Variants in LARGE1 observed in about 807,000 individuals in gnomAD.
The protein encoded by LARGE1 is xylosyl- and glucuronyltransferase LARGE1.
In LARGE1, 43 loss-of-function variants were observed where a neutral mutation model predicts 87.6. The observed-to-expected ratio is 0.49, with a 90% confidence interval of 0.38 to 0.63. The LOEUF is 0.63. Among genes scored for constraint, LARGE1 ranks in the 30% least tolerant of loss-of-function variants. LARGE1 has a pLI of 0.00. For synonymous variants in LARGE1, 434 were observed against 394.6 expected (o/e 1.10, Z -1.18); for missense variants, 802 against 1,000.2 (o/e 0.80, Z 2.67).
At chr22:33,311,206 T>A (rs1398394895) in intron 11 of LARGE1, among the ~76,000 whole-genome samples, 1 of 152,162 alleles carries the variant, frequency 6.6e-6, no homozygotes, top group African/African-American at 2.4e-5. Flanking sequence ...GTGATCTGCC[T>A]GCCTCAGCCT....
intron 10 of LARGE1, among the ~76,000 whole-genome samples, chr22:33,318,464 T>G (rs1402324614): frequency 6.6e-6 from 1 of 152,152 alleles, no homozygotes; most frequent in Non-Finnish European, 1.5e-5. Flanking sequence ...GGCTGCATAG[T>G]ATTCCATGGT....
chr22:33,428,503 T>C lies in LARGE1; in HGVS notation c.892+3658A>G, dbSNP rs564516126. Among the ~76,000 whole-genome samples, 33 of 151,152 alleles carry C rather than the reference T, an allele frequency of 2.2e-4. No homozygotes were observed. The South Asian group carries it at 6.9e-3, about 32-fold the overall frequency. On this transcript the variant is annotated intron_variant, in intron 7 of 14. Coordinates refer to ENST00000397394, the MANE Select transcript of LARGE1 (RefSeq NM_133642.5). ...TAATTTTTTGTATTTTTAGTAGAGA[T>C]GGGGTTTCACCATCTTGGCCAGGCT...
chr22:33,728,576 A>AAAACC (rs1556015678), intron 2 of LARGE1, among the ~76,000 whole-genome samples: 3 of 103,732 alleles, frequency 2.9e-5, no homozygotes, highest in Non-Finnish European at 6.2e-5. Flanking sequence ...AAAAAAAAAA[A>AAAACC]AAACCAACAA....
intron 3 of LARGE1, among the ~76,000 whole-genome samples, chr22:33,643,137 A>G (rs1449497584): frequency 1.3e-5 from 2 of 152,158 alleles, no homozygotes. Flanking sequence ...AATCGACCAC[A>G]TAATTGGAAA....
chr22:33,303,955 A>T (rs1351775341), intron 12 of LARGE1, among the ~76,000 whole-genome samples: 1 of 152,230 alleles, frequency 6.6e-6, no homozygotes, highest in East Asian at 1.9e-4. Context: ...GATGCTACAG[A>T]AAAAGCAATA....
chr22:33,531,940 C>T (rs1569243877), intron 6 of LARGE1, among the ~76,000 whole-genome samples: 1 of 152,236 alleles, frequency 6.6e-6, no homozygotes, highest in Non-Finnish European at 1.5e-5. Flanking sequence ...CACTGCATGC[C>T]TGCAAGGTGG....
chr22:33,113,583 G>T, the LARGE1 span, among the ~76,000 whole-genome samples: 3 of 152,168 alleles, frequency 2.0e-5, no homozygotes, highest in African/African-American at 7.2e-5. Context: ...AAGACCAAGA[G>T]AGCTTAAGTG....
At chr22:33,727,037 A>C (rs188240586) in intron 2 of LARGE1, among the ~76,000 whole-genome samples, 1 of 152,312 alleles carries the variant, frequency 6.6e-6, no homozygotes, top group East Asian at 1.9e-4. Context: ...TCAGTCTGTC[A>C]TGGCTAGCAC....
chr22:33,496,395 G>A (rs1192360449), intron 6 of LARGE1, among the ~76,000 whole-genome samples: 1 of 151,934 alleles, frequency 6.6e-6, no homozygotes, highest in African/African-American at 2.4e-5. Flanking sequence ...ATATCATGAG[G>A]GCGAAGTCCT....
chr22:33,437,565 A>C (rs5754550), intron 6 of LARGE1, among the ~76,000 whole-genome samples: 1 of 152,286 alleles, frequency 6.6e-6, no homozygotes, highest in East Asian at 1.9e-4. Context: ...GAAATAGTAA[A>C]GCGTTCAGTA....
At chr22:33,077,522 T>A in the LARGE1 span, among the ~76,000 whole-genome samples, 1 of 152,186 alleles carries the variant, frequency 6.6e-6, no homozygotes, top group Admixed American at 6.5e-5. Flanking sequence ...AAAGGGGCAT[T>A]TTCTATAAGT....
intron 6 of LARGE1, among the ~76,000 whole-genome samples, chr22:33,482,332 C>A (rs912996979): frequency 1.3e-5 from 2 of 152,116 alleles, no homozygotes; most frequent in African/African-American, 4.8e-5. Flanking sequence ...TTTTTCCTTT[C>A]TTCTGTTTTT....
At chr22:33,579,112 G>A (rs576970038) in intron 5 of LARGE1, among the ~76,000 whole-genome samples, 15 of 152,304 alleles carry the variant, frequency 9.8e-5, no homozygotes, top group African/African-American at 3.6e-4. Context: ...GTTTGGCTGT[G>A]TCCCCACCCA....
intron 9 of LARGE1, among the ~76,000 whole-genome samples, chr22:33,338,772 C>T (rs559371413): frequency 6.6e-6 from 1 of 152,242 alleles, no homozygotes; most frequent in South Asian, 2.1e-4. Flanking sequence ...ACACTGGGTC[C>T]CTCCCTTGGC....
chr22:33,804,740 A>G lies in LARGE1; in HGVS notation c.-82-43182T>C, dbSNP rs184604765. Among the ~76,000 whole-genome samples the G allele has an allele frequency of 1.6e-4, 25 of 152,286 alleles. No individual in the cohort carries two copies. The East Asian group carries it at 4.4e-3, about 27-fold the overall frequency. On this transcript the variant is annotated intron_variant, in intron 1 of 14. Transcript: ENST00000397394. Reference sequence around the variant, plus strand: ...TAAAAAATGACTGAACTAGCCCCCAATGTCCCCAGTGCAACCCAGGTTTTA... The same window carrying G: ...TAAAAAATGACTGAACTAGCCCCCAGTGTCCCCAGTGCAACCCAGGTTTTA...
At chr22:33,453,276 A>G (rs1448375105) in intron 6 of LARGE1, among the ~76,000 whole-genome samples, 1 of 152,034 alleles carries the variant, frequency 6.6e-6, no homozygotes, top group Admixed American at 6.6e-5. Flanking sequence ...TTAGCTGGGC[A>G]TGGTGGTGCA....
At chr22:33,072,829 T>C in the LARGE1 span, among the ~76,000 whole-genome samples, 1 of 152,258 alleles carries the variant, frequency 6.6e-6, no homozygotes, top group South Asian at 2.1e-4. Flanking sequence ...AGACCTTTTC[T>C]CATCCATTCT....
intron 6 of LARGE1, among the ~76,000 whole-genome samples, chr22:33,436,149 T>C (rs2067263611): frequency 6.6e-6 from 1 of 152,178 alleles, no homozygotes; most frequent in South Asian, 2.1e-4. Flanking sequence ...TGCCACCTTC[T>C]AGCTGCGTAG....
At chr22:33,832,832 G>T (rs1049951760) in intron 1 of LARGE1, among the ~76,000 whole-genome samples, 4 of 152,230 alleles carry the variant, frequency 2.6e-5, no homozygotes, top group Admixed American at 2.6e-4. Context: ...TGAGGCCCAG[G>T]ATCTATGTCC....
Sources: allele counts gnomAD v4.1 joint callset (sites outside exome capture counted in the v4.1 genomes callset), GRCh38; gene constraint gnomAD v4.1.1; transcripts MANE v1.5; gene names NCBI Gene and HGNC (gene_info 2026-07-23, HGNC 2026-07-21).